SYNE2: variants seen among roughly 807,000 people sequenced by gnomAD.
SYNE2 encodes spectrin repeat containing nuclear envelope protein 2.
Under a neutral mutation model 856.3 loss-of-function variants are expected in SYNE2, and 431 were observed. The observed-to-expected ratio is 0.50, with a 90% CI of 0.47 to 0.55. SYNE2 has a LOEUF of 0.55. SYNE2 is among the 20% of genes least tolerant of loss of function. SYNE2 has a pLI of 0.00. For synonymous variants in SYNE2, 2,923 were observed against 2,872.3 expected, an observed-to-expected ratio of 1.02 and a Z score of -0.56; for missense variants, 8,129 against 8,023.2, an observed-to-expected ratio of 1.01 and a Z score of -0.50.
At position 64,022,848 on chromosome 14, in the gene SYNE2, G is replaced by A. The variant is rs777745222; in HGVS notation, c.5622G>A (p.Lys1874=). The A allele has an allele frequency of 1.3e-6, 2 of 1,598,658 alleles. No homozygotes were observed. The highest frequency in any genetic ancestry group is 1.7e-6 in the Non-Finnish European group (2 of 1,167,146). The part of the protein sequence containing the change: ...SSETKKSVEQ[K]LQKLSDFLTL... ...AAACAAAAAAGAGTGTGGAACAAAA[G>A]CTACAAAAACTTTCTGTAAGAGATA... The change falls in exon 38 of 116, where the codon AAG becomes AAA. Residue 1874 remains lysine, a synonymous_variant. Coordinates refer to ENST00000555002, the MANE Select transcript of SYNE2 (RefSeq NM_182914.3).
Position 64,063,130 on chromosome 14 carries a change from A to G in SYNE2, c.10212+235A>G, listed in dbSNP as rs182160012. Among the ~76,000 whole-genome samples the G allele has an allele frequency of 1.5e-3, 228 of 152,182 alleles. 8 individuals are homozygous for G. Among genetic ancestry groups the G allele is most frequent in the Admixed American group, 0.014 (220 of 15,286 alleles). On this transcript the variant is annotated intron_variant, in intron 50 of 115. Transcript: ENST00000555002. ...GCAGTCTTGGCTCACTGCAGCTTCT[A>G]CCTCCCGGCTTCAAGTGATTTGATT...
intron 9 of SYNE2, among the ~76,000 whole-genome samples, chr14:63,962,169 C>T (rs2096326977): frequency 6.6e-6 from 1 of 151,964 alleles, no homozygotes; most frequent in African/African-American, 2.4e-5. Flanking sequence ...GATTCTCGTG[C>T]CTCAGCCTCC....
intron 78 of SYNE2, among the ~76,000 whole-genome samples, chr14:64,136,118 C>T (rs1384639693): frequency 6.6e-6 from 1 of 151,898 alleles, no homozygotes; most frequent in African/African-American, 2.4e-5. Context: ...GGTAAAACCC[C>T]ATCTCTACTA....
intron 49 of SYNE2, among the ~76,000 whole-genome samples, chr14:64,057,156 A>G (rs185381413): frequency 6.6e-6 from 1 of 152,164 alleles, no homozygotes; most frequent in East Asian, 1.9e-4. Context: ...AGTTATTTTT[A>G]AATGTACAGT....
intron 1 of SYNE2, among the ~76,000 whole-genome samples, chr14:63,841,186 G>T (rs913731532): frequency 1.9e-4 from 29 of 152,104 alleles, no homozygotes; most frequent in African/African-American, 6.8e-4. Flanking sequence ...TGAAACCTCT[G>T]GGGGGCGCCA....
At chr14:63,885,573 A>G (rs1199553370) in intron 1 of SYNE2, among the ~76,000 whole-genome samples, 1 of 152,186 alleles carries the variant, frequency 6.6e-6, no homozygotes, top group Non-Finnish European at 1.5e-5. Context: ...CCAAATGGCC[A>G]GAGCTGAAGT....
intron 1 of SYNE2, among the ~76,000 whole-genome samples, chr14:63,907,797 A>G (rs544375990): frequency 1.3e-5 from 2 of 152,174 alleles, no homozygotes; most frequent in East Asian, 3.8e-4. Flanking sequence ...GCCAAGGCTC[A>G]TGGTGAACTA....
intron 1 of SYNE2, among the ~76,000 whole-genome samples, chr14:63,825,662 T>C: frequency 6.6e-6 from 1 of 152,042 alleles, no homozygotes. Flanking sequence ...TCACCTGAGG[T>C]CAGGAGTTCG....
intron 32 of SYNE2, among the ~76,000 whole-genome samples, chr14:64,010,855 T>A (rs1490520538): frequency 6.6e-6 from 1 of 152,168 alleles, no homozygotes. Context: ...GCCAGGCTGG[T>A]CTCAAACTCC....
intron 1 of SYNE2, among the ~76,000 whole-genome samples, chr14:63,780,470 G>A (rs377223666): frequency 1.3e-5 from 2 of 152,142 alleles, no homozygotes; most frequent in African/African-American, 4.8e-5. Context: ...GGAGGTAGAG[G>A]TTGTGGTGAG....
chr14:63,797,295 G>A (rs1415297447), intron 1 of SYNE2, among the ~76,000 whole-genome samples: 2 of 151,228 alleles, frequency 1.3e-5, no homozygotes, highest in African/African-American at 4.9e-5. Context: ...GGAGGCTGAG[G>A]CAGGAGAATT....
chr14:63,812,838 T>C (rs980146514), intron 1 of SYNE2, among the ~76,000 whole-genome samples: 1 of 152,174 alleles, frequency 6.6e-6, no homozygotes, highest in African/African-American at 2.4e-5. Flanking sequence ...CCATGGCACA[T>C]GTATACCTAT....
intron 1 of SYNE2, among the ~76,000 whole-genome samples, chr14:63,855,116 T>G (rs981603872): frequency 1.3e-5 from 2 of 152,228 alleles, no homozygotes; most frequent in Non-Finnish European, 2.9e-5. Context: ...GTAGATATTT[T>G]ACATAGATTA....
rs942076976 is a variant in SYNE2 at position 63,839,971 on chromosome 14, G to T, written c.-304-12530G>T. ...ATAACCCCAAATAGAGGGACTTAAA[G>T]AATATAGACTTTTGGGGCCGGGCAC... On this transcript the variant is annotated intron_variant, in intron 1 of 23. Transcript: ENST00000674003. Among the ~76,000 whole-genome samples, 3 of 152,066 alleles carry T rather than the reference G, an allele frequency of 2.0e-5. No individual in the cohort carries two copies. In the East Asian group the frequency reaches 5.8e-4, roughly 29 times the overall value.
intron 103 of SYNE2, among the ~76,000 whole-genome samples, chr14:64,211,326 C>A (rs536116290): frequency 9.2e-5 from 14 of 152,310 alleles, no homozygotes; most frequent in Middle Eastern, 6.8e-3. Context: ...AATCTGCCTT[C>A]GTTTGGCACT....
intron 99 of SYNE2, among the ~76,000 whole-genome samples, chr14:64,195,928 T>A (rs1023465123): frequency 8.5e-5 from 13 of 152,176 alleles, no homozygotes; most frequent in Non-Finnish European, 1.8e-4. Context: ...GCCTGATCCT[T>A]CTGCCTCTAG....
At chr14:63,864,102 G>A (rs1021377539) in intron 1 of SYNE2, among the ~76,000 whole-genome samples, 28 of 152,254 alleles carry the variant, frequency 1.8e-4, no homozygotes, top group African/African-American at 6.0e-4. Context: ...TGTGAGCCAC[G>A]GCGCCTGGCC....
chr14:63,763,217 C>A (rs915767116), intron 1 of SYNE2, among the ~76,000 whole-genome samples: 1 of 152,192 alleles, frequency 6.6e-6, no homozygotes, highest in African/African-American at 2.4e-5. Flanking sequence ...ATCCGCCTGC[C>A]TCGGCCTCCC....
chr14:63,847,654 C>A (rs1161690422), intron 1 of SYNE2, among the ~76,000 whole-genome samples: 3 of 148,692 alleles, frequency 2.0e-5, no homozygotes. Flanking sequence ...GGCGGGATCT[C>A]GGCTCACAGC....
Sources: gnomAD v4.1 joint callset for allele counts (sites outside exome capture counted in the v4.1 genomes callset) on GRCh38, gnomAD v4.1.1 for gene constraint, MANE v1.5 for transcripts, NCBI Gene and HGNC (gene_info 2026-07-23, HGNC 2026-07-21) for gene names.